The following C7 variants were observed in gnomAD, a reference collection of about 807,000 sequenced individuals.
C7 encodes complement C7, also known as complement component C7.
A neutral mutation model predicts 104.8 loss-of-function variants in C7; 83 were observed. The ratio of observed to expected loss-of-function variants is 0.79; its 90% confidence interval spans 0.66 to 0.95. The LOEUF is 0.95. Ranked by LOEUF, C7 falls within the 40% of genes least tolerant of loss-of-function variation. The pLI is 0.00. For missense variants in C7, 1,070 were observed against 1,011.2 expected (o/e 1.06, Z -0.79); for synonymous variants, 415 against 360.6 (o/e 1.15, Z -1.71).
chr5:40,982,506 G>A lies in C7; in HGVS notation c.*933G>A, dbSNP rs1037341126. ...ATGTTAGAGCAGAATTCATTATGCT[G>A]TGGTCACAGGGGTGTCTTGTCTGAG... On this transcript the variant is annotated 3_prime_UTR_variant, in exon 18 of 18. Coordinates refer to ENST00000313164, the MANE Select transcript of C7 (RefSeq NM_000587.4). 1.3e-5 allele frequency: 2 copies of A among 152,378 alleles called. No individual in the cohort carries two copies. The highest frequency in any genetic ancestry group is 6.5e-5 in the Admixed American group (1 of 15,286). The allele number at this position is 152,378 out of a possible 1,614,324, so 9.4% of individuals were successfully genotyped here.
intron 13 of C7, 156 bp from the exon 14 acceptor site, chr5:40,964,585 T>A: frequency 1.6e-6 from 1 of 619,122 alleles, no homozygotes. Context: ...TGTTACTAAC[T>A]ATATAGGGGA....
intron 17 of C7, among the ~76,000 whole-genome samples, chr5:40,980,917 T>C (rs559011968): frequency 6.6e-6 from 1 of 152,350 alleles, no homozygotes; most frequent in African/African-American, 2.4e-5. Context: ...GGACTTTCCA[T>C]GCACAGACTC....
At chr5:40,911,728 T>TTTTC (rs957080800) in intron 1 of C7, among the ~76,000 whole-genome samples, 2 of 150,152 alleles carry the variant, frequency 1.3e-5, no homozygotes, top group African/African-American at 4.9e-5. Context: ...ACCACACACT[T>TTTTC]TTTCTTTCTT....
chr5:40,932,953 C>T (rs971484201), intron 3 of C7, among the ~76,000 whole-genome samples: 1 of 152,036 alleles, frequency 6.6e-6, no homozygotes, highest in Non-Finnish European at 1.5e-5. Flanking sequence ...CCATCAAGGG[C>T]TCCCTGGTAA....
At chr5:40,967,267 T>C (rs959920486) in intron 14 of C7, among the ~76,000 whole-genome samples, 12 of 152,138 alleles carry the variant, frequency 7.9e-5, no homozygotes, top group African/African-American at 2.9e-4. Flanking sequence ...GTTTTCACCA[T>C]GTTGGCCAGG....
chr5:40,937,794 T>C (rs1739848756), intron 6 of C7, 104 bp downstream of exon 6: 1 of 943,064 alleles, frequency 1.1e-6, no homozygotes, highest in Admixed American at 3.1e-5. Flanking sequence ...TGGCCTAATG[T>C]GTGGTCAATT....
chr5:40,948,383 A>G (rs1235831448), intron 8 of C7, among the ~76,000 whole-genome samples: 3 of 152,114 alleles, frequency 2.0e-5, no homozygotes, highest in Non-Finnish European at 2.9e-5. Flanking sequence ...CTACTACCCA[A>G]TGAGATGGGC....
chr5:40,910,363 T>C, intron 1 of C7, among the ~76,000 whole-genome samples: 1 of 152,170 alleles, frequency 6.6e-6, no homozygotes, highest in East Asian at 1.9e-4. Context: ...AAATGTTGCA[T>C]TGTAAGACTG....
chr5:40,924,697 C>G (rs951325696), intron 1 of C7, among the ~76,000 whole-genome samples: 1 of 152,234 alleles, frequency 6.6e-6, no homozygotes, highest in African/African-American at 2.4e-5. Flanking sequence ...CACTCTTGCA[C>G]TATGTGTGCC....
intron 6 of C7, among the ~76,000 whole-genome samples, chr5:40,939,751 A>C (rs1321282673): frequency 6.6e-6 from 1 of 152,204 alleles, no homozygotes; most frequent in African/African-American, 2.4e-5. Context: ...CAGAGCAGAG[A>C]AAATAATAAG....
intron 16 of C7, among the ~76,000 whole-genome samples, chr5:40,977,435 A>G (rs1363734730): frequency 6.6e-6 from 1 of 152,220 alleles, no homozygotes; most frequent in Non-Finnish European, 1.5e-5. Flanking sequence ...AAAGGAAACT[A>G]CAAGTCCCAT....
At chr5:40,958,318 G>C (rs1740345643) in intron 11 of C7, 57 bp downstream of exon 11, 2 of 1,045,696 alleles carry the variant, frequency 1.9e-6, no homozygotes, top group Admixed American at 5.0e-5. Flanking sequence ...GAATTACCCT[G>C]TTTCTCTGCT....
At chr5:40,955,245 A>C in intron 9 of C7, 142 bp from the exon 10 acceptor site, 1 of 687,882 alleles carries the variant, frequency 1.5e-6, no homozygotes, top group Non-Finnish European at 2.4e-6. Flanking sequence ...TGCTCTGCCT[A>C]TTCATCCCTC....
rs1317068670 is a variant in C7 at position 40,968,515 on chromosome 5, G to A, written c.1882+3642G>A. Among the ~76,000 whole-genome samples the A allele has an allele frequency of 5.1e-5, 7 of 137,984 alleles. No individual in the cohort carries two copies. In the South Asian group the frequency reaches 1.4e-3, roughly 28 times the overall value. The allele number at this position is 137,984 out of a possible 152,430, so 90.5% of individuals were successfully genotyped here. A position where few individuals can be genotyped will look rare whatever the true frequency, so the allele number is the denominator to read the frequency against. On this transcript the variant is annotated intron_variant, in intron 14 of 17. Transcript: ENST00000313164. ...ATCTCCTTTTAAGAACTCTATTATA[G>A]AGTTTTAAATTTTATCAATTTTATT...
chr5:40,951,193 G>A (rs972772715), intron 9 of C7, among the ~76,000 whole-genome samples: 1 of 152,118 alleles, frequency 6.6e-6, no homozygotes, highest in Non-Finnish European at 1.5e-5. Flanking sequence ...GTCCGTTCAT[G>A]TCTTTTGTCC....
intron 1 of C7, among the ~76,000 whole-genome samples, chr5:40,928,313 A>G (rs1482178967): frequency 2.6e-5 from 4 of 152,152 alleles, no homozygotes; most frequent in African/African-American, 4.8e-5. Flanking sequence ...TTTGAATTCT[A>G]TTGTACAGCG....
intron 8 of C7, among the ~76,000 whole-genome samples, chr5:40,948,934 T>G (rs565750954): frequency 6.6e-6 from 1 of 152,140 alleles, no homozygotes; most frequent in Non-Finnish European, 1.5e-5. Context: ...TTTTTTGAAG[T>G]TCTCTACTAC....
In C7 at chr5:40,962,150, C is replaced by T; in HGVS notation, c.1727C>T (p.Ala576Val). 1.9e-6 allele frequency: 3 copies of T among 1,564,840 alleles called. No homozygotes were observed. The highest frequency in any genetic ancestry group is 1.2e-5 in the South Asian group (1 of 82,718). Residue 576 changes from alanine to valine, a missense_variant, in exon 13 of 18, where the codon GCC becomes GTC. By Grantham distance (64) the Ala-to-Val change is moderately conservative. Transcript: ENST00000313164. ...ACAGAATTCTGTCCATCACCTCCTG[C>T]CTTGAAAGATGGATTTGTTCAAGTT... The part of the protein sequence containing the change: ...VPTEFCPSPP[A>V]LKDGFVQDEG...
At chr5:40,920,600 T>C (rs1579838435) in intron 1 of C7, among the ~76,000 whole-genome samples, 2 of 151,456 alleles carry the variant, frequency 1.3e-5, no homozygotes, top group East Asian at 3.9e-4. Context: ...CAAACATTTA[T>C]TTTTTATTTT....
Sources: allele counts gnomAD v4.1 joint callset (sites outside exome capture counted in the v4.1 genomes callset), GRCh38; gene constraint gnomAD v4.1.1; transcripts MANE v1.5; gene names NCBI Gene and HGNC (gene_info 2026-07-23, HGNC 2026-07-21).